The following AMELX variants were observed in gnomAD, a reference collection of about 807,000 sequenced individuals.
The protein encoded by AMELX is amelogenin X-linked.
In AMELX, 9 loss-of-function variants were observed where a neutral mutation model predicts 15.8. That is an observed-to-expected ratio of 0.57 (90% CI 0.34 to 0.99). AMELX has a LOEUF of 0.99. Among genes scored for constraint, AMELX ranks in the 50% least tolerant of loss-of-function variants. AMELX has a pLI of 0.02. For synonymous variants in AMELX, 61 were observed against 58.8 expected (o/e 1.04, Z -0.17); for missense variants, 107 against 156.2 (o/e 0.68, Z 1.68).
At chrX:11,296,255 T>C (rs2048082133) in intron 2 of AMELX, among the ~76,000 whole-genome samples, 2 of 111,941 alleles carry the variant, frequency 1.8e-5, no homozygotes, top group Non-Finnish European at 3.8e-5. Flanking sequence ...TTATGAGAAA[T>C]CCCTTTGATA....
intron 1 of AMELX, among the ~76,000 whole-genome samples, chrX:11,293,834 T>G (rs1032904125): frequency 8.9e-6 from 1 of 112,348 alleles, no homozygotes; most frequent in African/African-American, 3.2e-5. Context: ...TTTTTCTCAT[T>G]AACCCAAACA....
chrX:11,303,360 A>C (rs2048194392), downstream of AMELX, among the ~76,000 whole-genome samples: 1 of 112,333 alleles, frequency 8.9e-6, no homozygotes, highest in Non-Finnish European at 1.9e-5. Context: ...CATTTGAAAC[A>C]CCTGACTCTT....
At position 11,298,814 on chromosome X, in the gene AMELX, C is replaced by A; in HGVS notation, c.411C>A (p.His137Gln). 1 of 1,211,113 alleles carries A rather than the reference C, an allele frequency of 8.3e-7. No homozygotes were observed. Among genetic ancestry groups the A allele is most frequent in the East Asian group, 3.0e-5 (1 of 33,837 alleles). Reference protein sequence around the residue: ...YQPQPVQPQPHQPMQPQPPVH... With the variant: ...YQPQPVQPQPQQPMQPQPPVH... The stretch of plus-strand genomic sequence containing the variant: ...CCCAGCCTGTTCAGCCACAGCCTCA[C>A]CAGCCCATGCAGCCCCAGCCACCTG... Residue 137 changes from histidine to glutamine, a missense_variant, in exon 5 of 6, where the codon CAC becomes CAA. Transcript: ENST00000380714.
At chrX:11,304,655 T>C, downstream of AMELX, among the ~76,000 whole-genome samples, 1 of 109,912 alleles carries the variant, frequency 9.1e-6, no homozygotes, top group East Asian at 2.8e-4. Flanking sequence ...TCCTTTTACC[T>C]TCTTTCTAGG....
chrX:11,299,381 G>A (rs373035747), intron 5 of AMELX, among the ~76,000 whole-genome samples: 2 of 111,822 alleles, frequency 1.8e-5, no homozygotes, highest in Admixed American at 1.9e-4. Flanking sequence ...AAGAGGGAGC[G>A]GATAATTTTG....
downstream of AMELX, among the ~76,000 whole-genome samples, chrX:11,301,893 C>T (rs948781164): frequency 8.9e-6 from 1 of 112,057 alleles, no homozygotes; most frequent in Non-Finnish European, 1.9e-5. Flanking sequence ...GGCAAATATC[C>T]TTGGCTAGCT....
chrX:11,306,410 G>A, the AMELX span, among the ~76,000 whole-genome samples: 1 of 112,635 alleles, frequency 8.9e-6, no homozygotes, highest in East Asian at 2.8e-4. Flanking sequence ...TGCTCAATGA[G>A]CCATCATTAG....
At chrX:11,299,119 C>A in intron 5 of AMELX, 146 bp downstream of exon 5, 4 of 769,815 alleles carry the variant, frequency 5.2e-6, no homozygotes, top group Non-Finnish European at 7.6e-6. Context: ...AAGCAATATG[C>A]TATACCTTTA....
the AMELX span, among the ~76,000 whole-genome samples, chrX:11,309,482 C>T: frequency 9.0e-6 from 1 of 110,502 alleles, no homozygotes; most frequent in Non-Finnish European, 1.9e-5. Context: ...AGTCAGACAC[C>T]CTGGGGAGCT....
At chrX:11,297,398 G>T (rs1278008675) in intron 3 of AMELX, among the ~76,000 whole-genome samples, 2 of 111,725 alleles carry the variant, frequency 1.8e-5, no homozygotes, top group Non-Finnish European at 3.8e-5. Context: ...TGGAACCCTG[G>T]TTTCCTCATC....
chrX:11,302,280 C>T (rs1324308630), downstream of AMELX, among the ~76,000 whole-genome samples: 1 of 111,968 alleles, frequency 8.9e-6, no homozygotes, highest in Non-Finnish European at 1.9e-5. Flanking sequence ...GCTCTATGTA[C>T]TACTTCTTGA....
At chrX:11,304,722 A>G (rs1039771009), downstream of AMELX, among the ~76,000 whole-genome samples, 5 of 100,825 alleles carry the variant, frequency 5.0e-5, no homozygotes, top group Admixed American at 5.5e-4. Context: ...TCACTCTGGC[A>G]TTGGCACAAT....
At chrX:11,297,133 T>G (rs750739349) in intron 3 of AMELX, among the ~76,000 whole-genome samples, 1 of 112,192 alleles carries the variant, frequency 8.9e-6, no homozygotes, top group African/African-American at 3.2e-5. Flanking sequence ...ACCAGCTTGG[T>G]TCTAACCCAG....
At chrX:11,295,084 A>T (rs953677617) in intron 2 of AMELX, among the ~76,000 whole-genome samples, 5 of 111,596 alleles carry the variant, frequency 4.5e-5, no homozygotes, top group African/African-American at 1.6e-4. Flanking sequence ...TTTTATAAGC[A>T]CCCCAGGAGA....
the AMELX span, among the ~76,000 whole-genome samples, chrX:11,309,117 T>C: frequency 8.9e-6 from 1 of 112,002 alleles, no homozygotes. Context: ...ATGTTCACCT[T>C]TTCCAGATGC....
Position 11,298,667 on chromosome X carries a change from G to A in AMELX, c.264G>A (p.Val88=). 8.3e-7 allele frequency: 1 copy of A among 1,210,880 alleles called. No homozygotes were observed. Among genetic ancestry groups the A allele is most frequent in the Non-Finnish European group, 1.1e-6 (1 of 895,364 alleles). ...AGCCTCATCACCACATCCCAGTGGT[G>A]CCAGCTCAGCAGCCCGTGATCCCCC... ...TLQPHHHIPV[V]PAQQPVIPQQ... Residue 88 remains valine (V), a synonymous_variant, in exon 5 of 6, where the codon GTG becomes GTA. Transcript: ENST00000380714.
intron 2 of AMELX, among the ~76,000 whole-genome samples, chrX:11,295,212 TAC>T (rs2048062971): frequency 1.8e-5 from 2 of 111,536 alleles, no homozygotes; most frequent in Admixed American, 9.5e-5. Context: ...GGACAAATAT[TAC>T]AGAGATGCCA....
the AMELX span, among the ~76,000 whole-genome samples, chrX:11,306,255 C>A: frequency 8.9e-6 from 1 of 112,511 alleles, no homozygotes; most frequent in Admixed American, 9.4e-5. Context: ...CTGGAGTGCA[C>A]AGGCTCAGAG....
the AMELX span, among the ~76,000 whole-genome samples, chrX:11,306,287 A>G: frequency 8.9e-6 from 1 of 112,374 alleles, no homozygotes; most frequent in South Asian, 3.7e-4. Flanking sequence ...TATGTTGACC[A>G]TGCCTCTATT....
Sources: gnomAD v4.1 joint callset for allele counts (sites outside exome capture counted in the v4.1 genomes callset) on GRCh38, gnomAD v4.1.1 for gene constraint, MANE v1.5 for transcripts, NCBI Gene and HGNC (gene_info 2026-07-23, HGNC 2026-07-21) for gene names.